The following CPXM2 variants were observed in gnomAD, a reference collection of about 807,000 sequenced individuals.
CPXM2 encodes the protein carboxypeptidase X, M14 family member 2.
In CPXM2, 66 loss-of-function variants were observed where a neutral mutation model predicts 86.1. That is an observed-to-expected ratio of 0.77 (90% confidence interval 0.63 to 0.94). The LOEUF is 0.94. Among genes scored for constraint, CPXM2 ranks in the 40% least tolerant of loss-of-function variants. The pLI, the probability that CPXM2 is intolerant of heterozygous loss-of-function variation, is 0.00. For synonymous variants in CPXM2, 388 were observed against 400.2 expected (o/e 0.97, Z 0.36); for missense variants, 948 against 1,026.3 (o/e 0.92, Z 1.04).
intron 13 of CPXM2, chr10:123,752,253 T>A (rs1240537756): frequency 4.1e-6 from 4 of 985,170 alleles, no homozygotes; most frequent in African/African-American, 3.5e-5. Flanking sequence ...AGTGAATAAA[T>A]ATATGAAAAA....
intron 11 of CPXM2, among the ~76,000 whole-genome samples, chr10:123,760,574 T>A (rs1436895654): frequency 6.6e-6 from 1 of 152,130 alleles, no homozygotes; most frequent in African/African-American, 2.4e-5. Flanking sequence ...TCTAACAAAG[T>A]CAAATAATAT....
At chr10:123,798,375 C>T (rs1017933209) in intron 5 of CPXM2, among the ~76,000 whole-genome samples, 36 of 151,590 alleles carry the variant, frequency 2.4e-4, no homozygotes, top group African/African-American at 6.1e-4. Context: ...ATCGGTGTCA[C>T]GGCAAAAGGA....
At chr10:123,857,284 G>A (rs66512655) in intron 3 of CPXM2, among the ~76,000 whole-genome samples, 19,795 of 151,964 alleles carry the variant, frequency 0.13, 1,457 homozygotes, top group Middle Eastern at 0.17. Flanking sequence ...TTAAAATGAT[G>A]GAAAAGGAGA....
At chr10:123,909,995 C>T (rs1945474865) in intron 2 of CPXM2, among the ~76,000 whole-genome samples, 1 of 152,206 alleles carries the variant, frequency 6.6e-6, no homozygotes, top group African/African-American at 2.4e-5. Flanking sequence ...GTCACAGCCA[C>T]CTACCTGTAC....
chr10:123,825,020 A>G (rs1388678813), intron 4 of CPXM2, among the ~76,000 whole-genome samples: 1 of 152,134 alleles, frequency 6.6e-6, no homozygotes, highest in African/African-American at 2.4e-5. Context: ...ATTACCCAAC[A>G]TGGCTTAGAA....
intron 2 of CPXM2, among the ~76,000 whole-genome samples, chr10:123,878,293 T>C (rs1326996762): frequency 3.9e-5 from 3 of 76,916 alleles, no homozygotes; most frequent in Non-Finnish European, 8.7e-5. Flanking sequence ...CCTTTTTTTC[T>C]CTCTTTTTTT....
intron 1 of CPXM2, among the ~76,000 whole-genome samples, chr10:123,888,082 G>A (rs1038849099): frequency 7.2e-5 from 11 of 152,118 alleles, no homozygotes; most frequent in Non-Finnish European, 1.3e-4. Flanking sequence ...CGAAAGAACA[G>A]CCAATGGTCA....
chr10:123,905,483 C>T (rs1323681591), intron 2 of CPXM2, among the ~76,000 whole-genome samples: 1 of 152,134 alleles, frequency 6.6e-6, no homozygotes, highest in Non-Finnish European at 1.5e-5. Flanking sequence ...GACAGATGAC[C>T]CTGCCGTTTG....
In CPXM2 at chr10:123,750,419, G is replaced by T. The variant is rs377444938; in HGVS notation, c.2018-3402C>A. The T allele has an allele frequency of 1.2e-5, 12 of 978,226 alleles. No homozygotes were observed. In the East Asian group the frequency reaches 1.1e-3, roughly 93 times the overall value. The allele number at this position is 978,226 out of a possible 1,614,324, so 60.6% of individuals were successfully genotyped here. A position where few individuals can be genotyped will look rare whatever the true frequency, so the allele number is the denominator to read the frequency against. Reference sequence around the variant, plus strand: ...CCTTGATTCTTGACTCTGAGCCTTTGCAATTACTGTTCCCTCCAACTGGAA... The same window carrying T: ...CCTTGATTCTTGACTCTGAGCCTTTTCAATTACTGTTCCCTCCAACTGGAA... On this transcript the variant is annotated intron_variant, in intron 13 of 13. Coordinates refer to ENST00000241305, the MANE Select transcript of CPXM2 (RefSeq NM_198148.3).
At chr10:123,901,808 T>A (rs1448569762) in intron 2 of CPXM2, among the ~76,000 whole-genome samples, 2 of 152,164 alleles carry the variant, frequency 1.3e-5, no homozygotes, top group Non-Finnish European at 2.9e-5. Flanking sequence ...CTTGTGCCAA[T>A]CAGAGACCAG....
intron 1 of CPXM2, chr10:123,940,002 G>A (rs1258895103): frequency 6.6e-6 from 1 of 152,370 alleles, no homozygotes; most frequent in East Asian, 1.9e-4. Context: ...AGGAGACTTA[G>A]AAGAAGAGAA....
At chr10:123,927,017 C>A (rs1945628434) in intron 2 of CPXM2, among the ~76,000 whole-genome samples, 2 of 152,046 alleles carry the variant, frequency 1.3e-5, no homozygotes, top group African/African-American at 4.8e-5. Context: ...GACATAGGAA[C>A]CCAGTAAGTG....
chr10:123,836,977 G>C (rs541017021), intron 4 of CPXM2, among the ~76,000 whole-genome samples: 31 of 151,912 alleles, frequency 2.0e-4, no homozygotes, highest in African/African-American at 6.8e-4. Flanking sequence ...TGCCCCATCA[G>C]CCACCCCCCA....
At chr10:123,792,425 G>A (rs1847225223) in intron 6 of CPXM2, among the ~76,000 whole-genome samples, 1 of 152,168 alleles carries the variant, frequency 6.6e-6, no homozygotes, top group African/African-American at 2.4e-5. Context: ...GGAACTCATG[G>A]TTTTGAAACG....
intron 1 of CPXM2, among the ~76,000 whole-genome samples, chr10:123,881,737 G>C (rs774194434): frequency 2.0e-5 from 3 of 152,228 alleles, no homozygotes; most frequent in Non-Finnish European, 4.4e-5. Context: ...GGGTGTCCCT[G>C]TGGGGAAAGA....
chr10:123,857,607 GGC>G (rs1848757751), intron 3 of CPXM2, among the ~76,000 whole-genome samples: 2 of 142,002 alleles, frequency 1.4e-5, no homozygotes, highest in African/African-American at 2.5e-5. Context: ...GATGGAAGGC[GGC>G]GTGGAGATGG....
chr10:123,920,678 C>T (rs939514559), intron 2 of CPXM2, among the ~76,000 whole-genome samples: 4 of 152,144 alleles, frequency 2.6e-5, no homozygotes, highest in Non-Finnish European at 5.9e-5. Context: ...CCATAGTTCA[C>T]GTGTTGGAAA....
At chr10:123,870,627 G>A (rs1450368381) in intron 2 of CPXM2, among the ~76,000 whole-genome samples, 1 of 152,120 alleles carries the variant, frequency 6.6e-6, no homozygotes. Flanking sequence ...AGAGGGACAG[G>A]GCCTCTCTCT....
chr10:123,800,818 T>A (rs891158837), intron 4 of CPXM2, among the ~76,000 whole-genome samples: 1 of 152,212 alleles, frequency 6.6e-6, no homozygotes, highest in Non-Finnish European at 1.5e-5. Context: ...CCCCTACTTA[T>A]GTTTGAATCG....
Sources: gnomAD v4.1 joint callset for allele counts (sites outside exome capture counted in the v4.1 genomes callset) on GRCh38, gnomAD v4.1.1 for gene constraint, MANE v1.5 for transcripts, NCBI Gene and HGNC (gene_info 2026-07-23, HGNC 2026-07-21) for gene names.